PTPRO: variants seen among roughly 807,000 people sequenced by gnomAD.
PTPRO encodes the protein receptor-type tyrosine-protein phosphatase O.
Under a neutral mutation model 145.2 loss-of-function variants are expected in PTPRO, and 62 were observed. That is an observed-to-expected ratio of 0.43 (90% CI 0.35 to 0.53). The LOEUF (loss-of-function observed/expected upper bound fraction) is 0.53. PTPRO is among the 20% of genes least tolerant of loss of function. The probability of loss-of-function intolerance (pLI) is 0.01; values close to 1 mark genes in which losing one functional copy is unlikely to be tolerated. For synonymous variants in PTPRO, 565 were observed against 514.7 expected (o/e 1.10, Z -1.32); for missense variants, 1,345 against 1,482.7 (o/e 0.91, Z 1.53).
At chr12:15,569,847 A>G (rs908379377) in intron 19 of PTPRO, among the ~76,000 whole-genome samples, 2 of 152,154 alleles carry the variant, frequency 1.3e-5, no homozygotes, top group African/African-American at 4.8e-5. Context: ...CTTTCAGGGG[A>G]TTTGTAGTGT....
intron 1 of PTPRO, among the ~76,000 whole-genome samples, chr12:15,391,083 C>A (rs1266658304): frequency 6.6e-6 from 1 of 152,156 alleles, no homozygotes; most frequent in Non-Finnish European, 1.5e-5. Flanking sequence ...AAAGTACCTT[C>A]TAAAGGCCCC....
At chr12:15,443,055 A>G (rs1245464802) in intron 1 of PTPRO, among the ~76,000 whole-genome samples, 1 of 152,174 alleles carries the variant, frequency 6.6e-6, no homozygotes, top group Admixed American at 6.6e-5. Context: ...GAGGCATCAC[A>G]TTACACAACT....
chr12:15,469,096 A>C (rs1941480826), intron 1 of PTPRO, among the ~76,000 whole-genome samples: 1 of 152,218 alleles, frequency 6.6e-6, no homozygotes, highest in Non-Finnish European at 1.5e-5. Context: ...AACTGGTGTC[A>C]CAGCTGAATT....
chr12:15,486,014 G>A (rs1464587348), intron 2 of PTPRO, among the ~76,000 whole-genome samples: 1 of 152,078 alleles, frequency 6.6e-6, no homozygotes. Flanking sequence ...TGTGTATTCT[G>A]TGAGCACTTC....
intron 12 of PTPRO, among the ~76,000 whole-genome samples, chr12:15,532,222 C>G (rs1942976650): frequency 6.6e-6 from 1 of 151,820 alleles, no homozygotes; most frequent in South Asian, 2.1e-4. Flanking sequence ...TGATTAGACA[C>G]TATGGAAGTA....
intron 1 of PTPRO, among the ~76,000 whole-genome samples, chr12:15,440,859 G>C (rs980842394): frequency 6.6e-6 from 1 of 152,108 alleles, no homozygotes; most frequent in Non-Finnish European, 1.5e-5. Flanking sequence ...ATCAACTTTG[G>C]AGCAACCAGA....
intron 17 of PTPRO, chr12:15,565,211 C>T (rs1285705073): frequency 6.0e-6 from 1 of 166,058 alleles, no homozygotes; most frequent in Admixed American, 6.0e-5. Context: ...TATTAGTTCT[C>T]CATTTATTCC....
intron 15 of PTPRO, among the ~76,000 whole-genome samples, chr12:15,553,645 AT>A (rs1350345484): frequency 4.8e-4 from 73 of 152,330 alleles, no homozygotes; most frequent in Non-Finnish European, 1.2e-4. Context: ...ACTCAGTAAA[AT>A]GAGCAGGCAT....
At chr12:15,448,359 A>AAAAAAAAAAAAAAAAAAAC (rs1565635339) in intron 1 of PTPRO, among the ~76,000 whole-genome samples, 1 of 149,912 alleles carries the variant, frequency 6.7e-6, no homozygotes. Context: ...AAAAAAAAAA[A>AAAAAAAAAAAAAAAAAAAC]AGCACCGATT....
chr12:15,558,345 T>C (rs566494222), intron 16 of PTPRO, among the ~76,000 whole-genome samples: 4 of 152,322 alleles, frequency 2.6e-5, no homozygotes, highest in African/African-American at 9.6e-5. Context: ...GATAAATAAA[T>C]ATCAAAGCCA....
At chr12:15,420,739 C>G (rs1313656662) in intron 1 of PTPRO, among the ~76,000 whole-genome samples, 1 of 152,190 alleles carries the variant, frequency 6.6e-6, no homozygotes, top group Non-Finnish European at 1.5e-5. Context: ...ATCATACTGC[C>G]TATCTTTCAG....
At chr12:15,528,292 A>G (rs1046975780) in intron 12 of PTPRO, among the ~76,000 whole-genome samples, 2 of 151,422 alleles carry the variant, frequency 1.3e-5, no homozygotes, top group African/African-American at 2.4e-5. Context: ...CAAGGCGGGC[A>G]GATCACGAGG....
chr12:15,391,252 A>G (rs780522413), intron 1 of PTPRO, among the ~76,000 whole-genome samples: 4 of 152,224 alleles, frequency 2.6e-5, no homozygotes, highest in Admixed American at 6.5e-5. Flanking sequence ...AAGTTCATTT[A>G]AGTCACAATC....
At chr12:15,537,074 G>A (rs80070418) in intron 12 of PTPRO, among the ~76,000 whole-genome samples, 1 of 152,188 alleles carries the variant, frequency 6.6e-6, no homozygotes, top group East Asian at 1.9e-4. Flanking sequence ...GAAAGACAGA[G>A]GTTTGATTTA....
intron 1 of PTPRO, among the ~76,000 whole-genome samples, chr12:15,351,382 A>ACTCCTGCCT (rs1937797468): frequency 6.6e-6 from 1 of 152,058 alleles, no homozygotes; most frequent in Admixed American, 6.6e-5. Context: ...TGTCAGCAAG[A>ACTCCTGCCT]CTCCTGCCTC....
intron 2 of PTPRO, 22 bp downstream of exon 2, chr12:15,484,269 G>C (rs776035002): frequency 1.2e-6 from 2 of 1,612,402 alleles, no homozygotes; most frequent in South Asian, 2.2e-5. Flanking sequence ...GTGTAATATT[G>C]TCCCGTTTCT....
intron 12 of PTPRO, among the ~76,000 whole-genome samples, chr12:15,534,352 T>C (rs562611127): frequency 1.3e-5 from 2 of 152,198 alleles, no homozygotes; most frequent in Non-Finnish European, 2.9e-5. Flanking sequence ...CAAATAGCTC[T>C]CTGGTAATAG....
chr12:15,501,457 G>T (rs1467308672), intron 4 of PTPRO, among the ~76,000 whole-genome samples, 163 bp from the exon 5 acceptor site: 1 of 152,038 alleles, frequency 6.6e-6, no homozygotes, highest in East Asian at 1.9e-4. Flanking sequence ...TATGTATATG[G>T]AAAAAAACAC....
chr12:15,513,151 GAAAGAA>G (rs767970645), intron 7 of PTPRO, among the ~76,000 whole-genome samples: 4,874 of 32,464 alleles, frequency 0.15, 607 homozygotes, highest in Admixed American at 0.26. Context: ...AAGAAAGAAA[GAAAGAA>G]AAAGAAAGAA....
Sources: gnomAD v4.1 joint callset for allele counts (sites outside exome capture counted in the v4.1 genomes callset) on GRCh38, gnomAD v4.1.1 for gene constraint, MANE v1.5 for transcripts, NCBI Gene and HGNC (gene_info 2026-07-23, HGNC 2026-07-21) for gene names.